The following SFMBT2 variants were observed in gnomAD, a reference collection of about 807,000 sequenced individuals.
SFMBT2 encodes the protein scm-like with four MBT domains protein 2.
SFMBT2 carries 38 observed loss-of-function variants against 110.1 expected under a neutral mutation model. The observed-to-expected ratio is 0.35, with a 90% CI of 0.27 to 0.45. The LOEUF (loss-of-function observed/expected upper bound fraction) is 0.45, where lower values mean the gene tolerates loss of function less well. SFMBT2 is among the 20% of genes least tolerant of loss of function. SFMBT2 has a pLI of 1.00. For missense variants in SFMBT2, 1,011 were observed against 1,094.9 expected, an observed-to-expected ratio of 0.92 and a Z score of 1.08; for synonymous variants, 425 against 425.4, an observed-to-expected ratio of 1.00 and a Z score of 0.01.
At position 7,316,099 on chromosome 10, in the gene SFMBT2, C is replaced by A. The variant is rs75528433; in HGVS notation, c.437-30145G>T. 3.4e-3 allele frequency among the ~76,000 whole-genome samples: 522 copies of A among 152,240 alleles called. 19 individuals carry two copies. The East Asian group carries it at 0.078, about 23-fold the overall frequency. On this transcript the variant is annotated intron_variant, in intron 4 of 20. Coordinates refer to ENST00000397167, the MANE Select transcript of SFMBT2 (RefSeq NM_001387889.1). ...GACCATGCTGAGAACAGATGGTGAA[C>A]CTTGAAGAGCCAAAACGCATGACCT...
intron 1 of SFMBT2, among the ~76,000 whole-genome samples, chr10:7,392,637 T>C (rs1236770101): frequency 6.6e-6 from 1 of 152,232 alleles, no homozygotes; most frequent in Non-Finnish European, 1.5e-5. Context: ...GAGATCTAGA[T>C]TATTTTATCT....
At chr10:7,181,241 A>G (rs1001996871) in intron 16 of SFMBT2, among the ~76,000 whole-genome samples, 6 of 150,704 alleles carry the variant, frequency 4.0e-5, no homozygotes, top group Non-Finnish European at 7.4e-5. Context: ...TCCATTTCAA[A>G]AAAAAAAAAA....
At chr10:7,192,775 T>A (rs1256173557) in intron 15 of SFMBT2, among the ~76,000 whole-genome samples, 1 of 151,978 alleles carries the variant, frequency 6.6e-6, no homozygotes, top group African/African-American at 2.4e-5. Context: ...GGGTCGGAGG[T>A]CACATCACTA....
chr10:7,396,811 A>G (rs1381195649), intron 1 of SFMBT2, among the ~76,000 whole-genome samples: 1 of 149,852 alleles, frequency 6.7e-6, no homozygotes, highest in Admixed American at 6.7e-5. Context: ...AAAACCAAAC[A>G]CCGCATGTTC....
At chr10:7,212,364 C>T (rs921346987) in intron 11 of SFMBT2, among the ~76,000 whole-genome samples, 6 of 152,172 alleles carry the variant, frequency 3.9e-5, no homozygotes, top group Non-Finnish European at 8.8e-5. Context: ...ACTCAGCAAA[C>T]GCTGAGCAAG....
chr10:7,228,787 T>C (rs1428911752), intron 9 of SFMBT2, among the ~76,000 whole-genome samples: 9 of 132,456 alleles, frequency 6.8e-5, no homozygotes, highest in South Asian at 3.1e-4. Flanking sequence ...TCTCTCCCCC[T>C]CCCTCTCTCT....
chr10:7,372,978 C>T (rs924775745), intron 2 of SFMBT2, among the ~76,000 whole-genome samples: 2 of 152,200 alleles, frequency 1.3e-5, no homozygotes, highest in Non-Finnish European at 1.5e-5. Flanking sequence ...CTGCTGTGTT[C>T]GAGTGTCACT....
At chr10:7,268,118 G>C (rs1160604418) in intron 7 of SFMBT2, among the ~76,000 whole-genome samples, 4 of 152,124 alleles carry the variant, frequency 2.6e-5, no homozygotes, top group Non-Finnish European at 4.4e-5. Flanking sequence ...TAATATGGAG[G>C]CTCGTAAATG....
At chr10:7,291,685 G>C (rs1392436572) in intron 4 of SFMBT2, among the ~76,000 whole-genome samples, 1 of 152,210 alleles carries the variant, frequency 6.6e-6, no homozygotes, top group Non-Finnish European at 1.5e-5. Flanking sequence ...AGACGGGTCT[G>C]ACTCAGAGAG....
chr10:7,159,392 T>G lies in SFMBT2; in HGVS notation c.*4378A>C, dbSNP rs1837490610. 1 of 152,202 alleles carries G rather than the reference T, an allele frequency of 6.6e-6. No individual in the cohort carries two copies. Among genetic ancestry groups the G allele is most frequent in the East Asian group, 1.9e-4 (1 of 5,206 alleles). The allele number at this position is 152,202 out of a possible 1,614,324, so 9.4% of individuals were successfully genotyped here. On this transcript the variant is annotated 3_prime_UTR_variant, in exon 21 of 21. Coordinates refer to ENST00000397167, the MANE Select transcript of SFMBT2 (RefSeq NM_001387889.1). ...TTGGGGTATCTGCAAACCATTCTAG[T>G]GATAGAGCTATGAGAACTGGTCAAC... is the stretch of plus-strand genomic sequence containing the variant.
At chr10:7,365,160 A>G (rs2764392) in intron 4 of SFMBT2, among the ~76,000 whole-genome samples, 35,439 of 152,076 alleles carry the variant, frequency 0.23, 5,467 homozygotes, top group African/African-American at 0.44. Flanking sequence ...ATTTGCGTAC[A>G]CAGAGCTGGA....
chr10:7,332,148 A>G (rs1035093516), intron 4 of SFMBT2, among the ~76,000 whole-genome samples: 1 of 152,160 alleles, frequency 6.6e-6, no homozygotes, highest in African/African-American at 2.4e-5. Flanking sequence ...CTTGGTACCA[A>G]TGAGCCACTG....
intron 16 of SFMBT2, 195 bp from the exon 17 acceptor site, chr10:7,176,360 C>T (rs974553006): frequency 1.1e-5 from 7 of 618,052 alleles, no homozygotes; most frequent in Non-Finnish European, 1.4e-5. Flanking sequence ...ACAAATGTGT[C>T]GTAACAGTGC....
intron 4 of SFMBT2, among the ~76,000 whole-genome samples, chr10:7,345,794 G>A (rs563752233): frequency 6.6e-6 from 1 of 152,324 alleles, no homozygotes; most frequent in East Asian, 1.9e-4. Flanking sequence ...CCCATCAACA[G>A]ATGGTCTTAA....
chr10:7,409,877 G>A (rs1023512448), intron 1 of SFMBT2, among the ~76,000 whole-genome samples: 3 of 151,560 alleles, frequency 2.0e-5, no homozygotes, highest in Admixed American at 1.3e-4. Flanking sequence ...AAGAAAACAC[G>A]AGTACGGATC....
At chr10:7,208,530 C>CA (rs5782956) in intron 11 of SFMBT2, among the ~76,000 whole-genome samples, 9,276 of 151,798 alleles carry the variant, frequency 0.061, 384 homozygotes, top group Non-Finnish European at 0.087. Flanking sequence ...ACTAAAAATA[C>CA]AAAAAATTAG....
intron 4 of SFMBT2, among the ~76,000 whole-genome samples, chr10:7,299,018 C>T (rs192153827): frequency 2.0e-4 from 30 of 152,300 alleles, no homozygotes; most frequent in Non-Finnish European, 4.0e-4. Context: ...CGAAAGCAGC[C>T]TGGCCAACAT....
rs114016955 is a variant in SFMBT2 at position 7,289,282 on chromosome 10, C to T, written c.437-3328G>A. Among the ~76,000 whole-genome samples the T allele has an allele frequency of 3.7e-3, 570 of 152,318 alleles. 1 individual carries two copies. Among genetic ancestry groups the T allele is most frequent in the African/African-American group, 0.013 (537 of 41,570 alleles). On this transcript the variant is annotated intron_variant, in intron 4 of 20. Transcript: ENST00000397167. ...TAAATGGTCCTGTGCCTAACACAGACGTCTATATCCACTACGGGAAGAAAG... is the reference window on the plus strand; with the variant it reads ...TAAATGGTCCTGTGCCTAACACAGATGTCTATATCCACTACGGGAAGAAAG...
chr10:7,272,960 T>C (rs1841644257), intron 7 of SFMBT2, among the ~76,000 whole-genome samples: 1 of 152,110 alleles, frequency 6.6e-6, no homozygotes, highest in African/African-American at 2.4e-5. Context: ...GCCCGGCTAA[T>C]TTTTTTGTAT....
Sources: allele counts gnomAD v4.1 joint callset (sites outside exome capture counted in the v4.1 genomes callset), GRCh38; gene constraint gnomAD v4.1.1; transcripts MANE v1.5; gene names NCBI Gene and HGNC (gene_info 2026-07-23, HGNC 2026-07-21).